Variants in CASZ1 observed in about 807,000 individuals in gnomAD.
CASZ1 encodes the protein castor zinc finger 1.
A neutral mutation model predicts 135.2 loss-of-function variants in CASZ1; 28 were observed. The observed-to-expected ratio is 0.21, with a 90% confidence interval of 0.15 to 0.28. The LOEUF is 0.28. Among genes scored for constraint, CASZ1 ranks in the 10% least tolerant of loss-of-function variants. The pLI is 1.00. For missense variants in CASZ1, 2,161 were observed against 2,453.3 expected (o/e 0.88, Z 2.52); for synonymous variants, 1,068 against 1,073.4 (o/e 0.99, Z 0.10).
At chr1:10,671,895 G>C (rs573394390) in intron 4 of CASZ1, among the ~76,000 whole-genome samples, 19 of 152,324 alleles carry the variant, frequency 1.2e-4, no homozygotes, top group Non-Finnish European at 2.9e-5. Context: ...GCCTTTTCAC[G>C]GGAGCAGGTG....
intron 7 of CASZ1, 46 bp from the exon 8 acceptor site, chr1:10,656,782 TCCCAGCCCCAGC>T (rs561972142): frequency 6.3e-5 from 83 of 1,316,376 alleles, no homozygotes; most frequent in Non-Finnish European, 7.8e-5. Context: ...TGGGTGACAG[TCCCAGCCCCAGC>T]CCCAGCCCCA....
rs1557461475 is a variant in CASZ1 at position 10,647,762 on chromosome 1, G to A, written c.3497+39C>T. On this transcript the variant is annotated intron_variant, in intron 16 of 20. Transcript: ENST00000377022. The surrounding 1 kb of genome is among the most constrained non-coding windows in gnomAD (Gnocchi z 4.9). The stretch of plus-strand genomic sequence containing the variant: ...TTGCTAGCACCTACTCCCGAGACGC[G>A]AGGGGAACGCGGGACTCCCGGCTCA... 8 of 1,611,216 alleles carry A rather than the reference G, an allele frequency of 5.0e-6. No individual in the cohort carries two copies. Among genetic ancestry groups the A allele is most frequent in the South Asian group, 1.1e-5 (1 of 91,014 alleles).
chr1:10,672,973 C>T (rs761067104), intron 4 of CASZ1, among the ~76,000 whole-genome samples: 10 of 152,184 alleles, frequency 6.6e-5, no homozygotes, highest in East Asian at 1.9e-4. Flanking sequence ...GGTGGGCTGG[C>T]GGTTCCATTA....
chr1:10,659,368 G>A (rs975836880), intron 6 of CASZ1, among the ~76,000 whole-genome samples: 4 of 152,232 alleles, frequency 2.6e-5, no homozygotes, highest in Non-Finnish European at 4.4e-5. Flanking sequence ...AAAAGGCAGA[G>A]CACACTTGTG....
chr1:10,705,934 T>A (rs1373438138), intron 2 of CASZ1, among the ~76,000 whole-genome samples: 2 of 152,232 alleles, frequency 1.3e-5, no homozygotes, highest in Non-Finnish European at 2.9e-5. Context: ...CTAGCAGGGA[T>A]GCCTGGGGAC....
Position 10,711,538 on chromosome 1 carries a change from C to T in CASZ1, c.-76-5994G>A, listed in dbSNP as rs183169801. Reference sequence around the variant, plus strand: ...CTTTAAGAAGCTAGGAGAGATGGTGCAATTCCATTCCCAGGCATATACCAG... The same window carrying T: ...CTTTAAGAAGCTAGGAGAGATGGTGTAATTCCATTCCCAGGCATATACCAG... On this transcript the variant is annotated intron_variant, in intron 2 of 20. Transcript: ENST00000377022. This position sits in a 1 kb window ranked among gnomAD's most constrained non-coding sequence, Gnocchi z 4.4. Among the ~76,000 whole-genome samples, 13 of 145,874 alleles carry T rather than the reference C, an allele frequency of 8.9e-5. No homozygotes were observed. The highest frequency in any genetic ancestry group is 3.5e-4 in the Admixed American group (5 of 14,438).
intron 2 of CASZ1, among the ~76,000 whole-genome samples, chr1:10,760,471 G>A (rs527265692): frequency 5.9e-5 from 9 of 152,342 alleles, no homozygotes; most frequent in East Asian, 5.8e-4. Flanking sequence ...GTAGTGAGTC[G>A]GTGACAAGGC....
At chr1:10,654,848 G>A (rs911390280) in intron 9 of CASZ1, among the ~76,000 whole-genome samples, 1 of 152,244 alleles carries the variant, frequency 6.6e-6, no homozygotes, top group Non-Finnish European at 1.5e-5. Flanking sequence ...GGGCATCTCC[G>A]GAGACTCAGG....
chr1:10,654,332 C>A (rs1007272859), intron 10 of CASZ1, 87 bp downstream of exon 10: 5 of 1,576,756 alleles, frequency 3.2e-6, no homozygotes, highest in Admixed American at 3.5e-5. Flanking sequence ...GACACCGAGG[C>A]AGGGGCCTGA....
chr1:10,712,602 G>A (rs993345782), intron 2 of CASZ1, among the ~76,000 whole-genome samples: 1 of 152,080 alleles, frequency 6.6e-6, no homozygotes, highest in African/African-American at 2.4e-5. Context: ...CTCTGCTTGA[G>A]AATCCACCAT....
In CASZ1 at chr1:10,759,751, A is replaced by G. The variant is rs1640333363; in HGVS notation, c.-77+950T>C. On this transcript the variant is annotated intron_variant, in intron 2 of 20. Transcript: ENST00000377022. The surrounding 1 kb of genome is among the most constrained non-coding windows in gnomAD (Gnocchi z 4.2). ...CCTGCCCAGAGTGACCATGGGGAGG[A>G]AGAGCGCAGGCAGGTGAGCCAGGGA... Among the ~76,000 whole-genome samples the G allele has an allele frequency of 6.6e-6, 1 of 152,110 alleles. No individual in the cohort carries two copies. Among genetic ancestry groups the G allele is most frequent in the Non-Finnish European group, 1.5e-5 (1 of 68,006 alleles).
intron 4 of CASZ1, among the ~76,000 whole-genome samples, chr1:10,673,384 T>C (rs1570455185): frequency 6.6e-6 from 1 of 152,180 alleles, no homozygotes; most frequent in Non-Finnish European, 1.5e-5. Context: ...AAATTTTTTT[T>C]CGTCCCCTCT....
chr1:10,721,275 C>G lies in CASZ1; in HGVS notation c.-76-15731G>C, dbSNP rs1469465708. ...TACTGCTCCTATCACCTACCTCCCC[C>G]ACCCCCTGATCTTAGGGAAAAAAAA... On this transcript the variant is annotated intron_variant, in intron 2 of 20. Transcript: ENST00000377022. The surrounding 1 kb of genome is among the most constrained non-coding windows in gnomAD (Gnocchi z 5.4). 1.3e-5 allele frequency among the ~76,000 whole-genome samples: 2 copies of G among 152,096 alleles called. No homozygotes were observed. Among genetic ancestry groups the G allele is most frequent in the Admixed American group, 6.5e-5 (1 of 15,276 alleles).
At chr1:10,786,539 C>T (rs930406423) in intron 1 of CASZ1, among the ~76,000 whole-genome samples, 10 of 152,214 alleles carry the variant, frequency 6.6e-5, no homozygotes, top group Non-Finnish European at 1.5e-4. Context: ...TGTCCTCTCC[C>T]GCATGGGTCT....
In CASZ1 at chr1:10,647,983, G is replaced by T; in HGVS notation, c.3315C>A (p.Pro1105=). Residue 1105 remains proline, a synonymous_variant, in exon 16 of 21, where the codon CCC becomes CCA. Transcript: ENST00000377022. The surrounding 1 kb of genome is among the most constrained non-coding windows in gnomAD (Gnocchi z 4.9). ...GGGTGGAGGGCACGGAGGCCGGGCT[G>T]GGAGCGGGCCCCTCCAGAGAGGACA... ...ATVSSLEGPA[P]SPASVPSTPT... 1 of 1,606,936 alleles carries T rather than the reference G, an allele frequency of 6.2e-7. No homozygotes were observed.
In CASZ1 at chr1:10,759,197, G is replaced by C. The variant is rs1640316515; in HGVS notation, c.-77+1504C>G. On this transcript the variant is annotated intron_variant, in intron 2 of 20. Coordinates refer to ENST00000377022, the MANE Select transcript of CASZ1 (RefSeq NM_001079843.3). The surrounding 1 kb of genome is among the most constrained non-coding windows in gnomAD (Gnocchi z 4.2). ...ATGGGCAGGGCACAGGGCAGGGCTG[G>C]GCAAGACCACCCTGAGGCTTGCATA... Among the ~76,000 whole-genome samples the C allele has an allele frequency of 6.6e-6, 1 of 152,098 alleles. No homozygotes were observed. The highest frequency in any genetic ancestry group is 2.4e-5 in the African/African-American group (1 of 41,398).
In CASZ1 at chr1:10,741,433, C is replaced by A. The variant is rs74951903; in HGVS notation, c.-77+19268G>T. The stretch of plus-strand genomic sequence containing the variant: ...ACACAGGTGCACACAAGCTCCAGCA[C>A]TGGCCCAGGCTGAGGGTGCTCAGCG... On this transcript the variant is annotated intron_variant, in intron 2 of 20. Coordinates refer to ENST00000377022, the MANE Select transcript of CASZ1 (RefSeq NM_001079843.3). This position sits in a 1 kb window ranked among gnomAD's most constrained non-coding sequence, Gnocchi z 5.0. Among the ~76,000 whole-genome samples the A allele has an allele frequency of 5.1e-3, 770 of 152,284 alleles. 40 individuals are homozygous for A. The East Asian group carries it at 0.12, about 24-fold the overall frequency.
chr1:10,653,534 G>A lies in CASZ1; in HGVS notation c.2523C>T (p.Ala841=). 6.2e-7 allele frequency: 1 copy of A among 1,601,886 alleles called. No homozygotes were observed. The highest frequency in any genetic ancestry group is 8.5e-7 in the Non-Finnish European group (1 of 1,173,022). Residue 841 remains alanine, a synonymous_variant, in exon 11 of 21, where the codon GCC becomes GCT. Coordinates refer to ENST00000377022, the MANE Select transcript of CASZ1 (RefSeq NM_001079843.3). ...CGGGGGCTGAGTCTCCAGCTCCCGAGGCGACCAGCGTGGGTGTGTCAGGGG... is the reference window on the plus strand; with the variant it reads ...CGGGGGCTGAGTCTCCAGCTCCCGAAGCGACCAGCGTGGGTGTGTCAGGGG... ...SATPDTPTLV[A]SGAGDSAPVA... is the part of the protein sequence containing the mutation.
intron 1 of CASZ1, among the ~76,000 whole-genome samples, chr1:10,775,045 C>T (rs780544615): frequency 2.0e-5 from 3 of 151,794 alleles, no homozygotes; most frequent in Non-Finnish European, 4.4e-5. Flanking sequence ...GGGCTGGAAA[C>T]CGGCGACACT....
Sources: allele counts gnomAD v4.1 joint callset (sites outside exome capture counted in the v4.1 genomes callset), GRCh38; gene constraint gnomAD v4.1.1; non-coding constraint Gnocchi (gnomAD v3.1); transcripts MANE v1.5; gene names NCBI Gene and HGNC (gene_info 2026-07-23, HGNC 2026-07-21).